The following RINT1 variants were observed in gnomAD, a reference collection of about 807,000 sequenced individuals.
The protein encoded by RINT1 is RAD50 interactor 1, also known as RAD50-interacting protein 1.
RINT1 carries 75 observed loss-of-function variants against 97.7 expected under a neutral mutation model. That is an observed-to-expected ratio of 0.77 (90% CI 0.64 to 0.93). The LOEUF is 0.93. Among genes scored for constraint, RINT1 ranks in the 40% least tolerant of loss-of-function variants. The probability of loss-of-function intolerance (pLI) is 0.00; values close to 1 mark genes in which losing one functional copy is unlikely to be tolerated. For missense variants in RINT1, 892 were observed against 925.2 expected, an observed-to-expected ratio of 0.96 and a Z score of 0.47; for synonymous variants, 303 against 326.3, an observed-to-expected ratio of 0.93 and a Z score of 0.77.
At chr7:105,554,804 A>G (rs985762263) in intron 10 of RINT1, among the ~76,000 whole-genome samples, 3 of 152,218 alleles carry the variant, frequency 2.0e-5, no homozygotes, top group African/African-American at 7.2e-5. Context: ...TATAGTTTAC[A>G]TACAGTGTAA....
rs940554216 is a variant in RINT1, at chr7:105,550,452, C to G, written c.1299C>G (p.Thr433=). 1.9e-6 allele frequency: 3 copies of G among 1,613,958 alleles called. No individual in the cohort carries two copies. The highest frequency in any genetic ancestry group is 2.5e-6 in the Non-Finnish European group (3 of 1,179,992). ...ASCMHILSEE[T]CFQRWLTVER... is the part of the protein sequence containing the mutation. ...GTATGCATATTCTATCAGAGGAAAC[C>G]TGTTTTCAGAGATGGTTGACGGTGG... The change falls in exon 9 of 15, where the codon ACC becomes ACG. Residue 433 remains threonine (T), a synonymous_variant. Transcript: ENST00000257700.
chr7:105,557,831 GAT>G (rs1473592265), intron 11 of RINT1, among the ~76,000 whole-genome samples: 1 of 152,082 alleles, frequency 6.6e-6, no homozygotes, highest in Admixed American at 6.6e-5. Context: ...ATAAAAATCT[GAT>G]AAACACAATC....
intron 11 of RINT1, among the ~76,000 whole-genome samples, chr7:105,556,547 G>A (rs931390020): frequency 1.4e-4 from 22 of 151,780 alleles, no homozygotes; most frequent in African/African-American, 4.8e-4. Flanking sequence ...CACTATGATT[G>A]TATCTGAAAA....
At chr7:105,537,153 G>A (rs1436616499) in intron 3 of RINT1, among the ~76,000 whole-genome samples, 97 of 112,598 alleles carry the variant, frequency 8.6e-4, no homozygotes, top group African/African-American at 2.8e-3. Context: ...TTTTTGAGAC[G>A]GAGTTTTGCT....
At chr7:105,532,381 G>A (rs778497280) in intron 1 of RINT1, 24 bp downstream of exon 1, 26 of 1,596,250 alleles carry the variant, frequency 1.6e-5, no homozygotes, top group Non-Finnish European at 2.2e-5. Context: ...GGCGTCCCTG[G>A]GAGGGGACAT....
rs764964962 is a variant in RINT1, at chr7:105,550,385, A to G, written c.1232A>G (p.Glu411Gly). 1.2e-6 allele frequency: 2 copies of G among 1,614,062 alleles called. No homozygotes were observed. The highest frequency in any genetic ancestry group is 1.7e-6 in the Non-Finnish European group (2 of 1,179,988). The change falls in exon 9 of 15, where the codon GAG (glutamate) becomes GGG (glycine). Residue 411 changes from glutamate (E) to glycine (G), a missense_variant. Transcript: ENST00000257700. ...LVDEVLLFER[E>G]LHSVHGYPGT... ...GATGAAGTACTCTTGTTTGAAAGGGAGCTACACAGTGTTCATGGCTATCCT... is the reference window on the plus strand; with the variant it reads ...GATGAAGTACTCTTGTTTGAAAGGGGGCTACACAGTGTTCATGGCTATCCT...
chr7:105,542,736 A>G, intron 4 of RINT1, 87 bp downstream of exon 4: 6 of 1,272,892 alleles, frequency 4.7e-6, no homozygotes, highest in Non-Finnish European at 6.3e-6. Context: ...TAAATAATTG[A>G]GTTAATTAAA....
rs1425226251 is a variant in RINT1, at chr7:105,547,283, A to G, written c.789A>G (p.Ile263Met). The change falls in exon 6 of 15, where the codon ATA (isoleucine) becomes ATG (methionine). Residue 263 changes from isoleucine to methionine, a missense_variant. By Grantham distance (10) the Ile-to-Met change is conservative (BLOSUM62 1). Coordinates refer to ENST00000257700, the MANE Select transcript of RINT1 (RefSeq NM_021930.6). ...GTCGACCTGCCAGTGCCCCGGAGAT[A>G]TACAGTTACCTGGAGACACTGTTTT... is the stretch of plus-strand genomic sequence containing the variant. The part of the protein sequence containing the change: ...GLSRPASAPE[I>M]YSYLETLFCQ... 1 of 1,614,208 alleles carries G rather than the reference A, an allele frequency of 6.2e-7. No individual in the cohort carries two copies. Among genetic ancestry groups the G allele is most frequent in the Admixed American group, 1.7e-5 (1 of 60,016 alleles).
Position 105,550,467 on chromosome 7 carries a change from G to T in RINT1, c.1314G>T (p.Trp438Cys). The T allele has an allele frequency of 6.2e-7, 1 of 1,613,836 alleles. No individual in the cohort carries two copies. The highest frequency in any genetic ancestry group is 2.2e-5 in the East Asian group (1 of 44,866). The change falls in exon 9 of 15, where the codon TGG (tryptophan) becomes TGT (cysteine). Residue 438 changes from tryptophan to cysteine, a missense_variant. Physicochemically the swap from Trp to Cys is radical, Grantham distance 215. Coordinates refer to ENST00000257700, the MANE Select transcript of RINT1 (RefSeq NM_021930.6). ...CAGAGGAAACCTGTTTTCAGAGATGGTTGACGGTGGAGAGAAAATGTAAGT... is the reference window on the plus strand; with the variant it reads ...CAGAGGAAACCTGTTTTCAGAGATGTTTGACGGTGGAGAGAAAATGTAAGT... ...ILSEETCFQR[W>C]LTVERKFALQ...
intron 3 of RINT1, among the ~76,000 whole-genome samples, chr7:105,540,167 C>A (rs1325612137): frequency 6.6e-6 from 1 of 151,632 alleles, no homozygotes; most frequent in African/African-American, 2.4e-5. Context: ...CTACCTCTGC[C>A]TTCCGGGTTT....
Position 105,536,616 on chromosome 7 carries a change from C to T in RINT1, c.140C>T (p.Thr47Ile), listed in dbSNP as rs763669670. ...GGAAGTAAACAAGTCAGTGAAGGTA[C>T]AGATAATGGTGATCTCCCTTCTTAT... ...LIGSKQVSEG[T>I]DNGDLPSYVS... The change falls in exon 3 of 15, where the codon ACA (threonine) becomes ATA (isoleucine). Residue 47 changes from threonine (T) to isoleucine (I), a missense_variant. By Grantham distance (89) the Thr-to-Ile change is moderately conservative. Transcript: ENST00000257700. The T allele has an allele frequency of 1.9e-6, 3 of 1,610,334 alleles. No homozygotes were observed. The highest frequency in any genetic ancestry group is 2.5e-6 in the Non-Finnish European group (3 of 1,178,190).
At chr7:105,558,980 C>T (rs1305294552) in intron 11 of RINT1, among the ~76,000 whole-genome samples, 1 of 152,020 alleles carries the variant, frequency 6.6e-6, no homozygotes, top group Non-Finnish European at 1.5e-5. Flanking sequence ...TAGCCATCAT[C>T]CCTACCCTTA....
chr7:105,552,414 G>C (rs1273915596), intron 10 of RINT1, among the ~76,000 whole-genome samples: 1 of 152,138 alleles, frequency 6.6e-6, no homozygotes, highest in East Asian at 1.9e-4. Flanking sequence ...AAGGATTGGA[G>C]TAGTAATAGG....
At chr7:105,546,683 G>C (rs1219628205) in intron 4 of RINT1, among the ~76,000 whole-genome samples, 1 of 152,124 alleles carries the variant, frequency 6.6e-6, no homozygotes, top group African/African-American at 2.4e-5. Flanking sequence ...AGACCAGCTT[G>C]GCCAACATGG....
In RINT1 at chr7:105,561,500, C is replaced by G. The variant is rs191621271; in HGVS notation, c.1672-2233C>G. On this transcript the variant is annotated intron_variant, in intron 11 of 14. Coordinates refer to ENST00000257700, the MANE Select transcript of RINT1 (RefSeq NM_021930.6). ...CGAGATTGCTCCATTTCATTCCAGC[C>G]TGAGGGACAGAGTGAGACTCTTGTC... is the stretch of plus-strand genomic sequence containing the variant. Among the ~76,000 whole-genome samples the G allele has an allele frequency of 2.9e-3, 448 of 152,262 alleles. 2 individuals are homozygous for G. The highest frequency in any genetic ancestry group is 0.017 in the Middle Eastern group (5 of 294).
intron 10 of RINT1, among the ~76,000 whole-genome samples, chr7:105,552,704 C>T (rs1790985898): frequency 8.9e-6 from 1 of 112,818 alleles, no homozygotes; most frequent in Non-Finnish European, 1.7e-5. Context: ...GATGGAGTCT[C>T]ACTCTGTCAC....
chr7:105,557,339 A>G (rs915892241), intron 11 of RINT1, among the ~76,000 whole-genome samples: 7 of 152,164 alleles, frequency 4.6e-5, no homozygotes, highest in African/African-American at 1.7e-4. Flanking sequence ...AGATTGATTA[A>G]CTGAAGATTA....
At chr7:105,555,717 A>G (rs1205302530) in intron 11 of RINT1, among the ~76,000 whole-genome samples, 1 of 152,208 alleles carries the variant, frequency 6.6e-6, no homozygotes, top group Non-Finnish European at 1.5e-5. Context: ...GCAGTGGCTC[A>G]TGCTCTTAAT....
In RINT1 at chr7:105,553,887, A is replaced by ATTTTTT. The variant is rs776924728; in HGVS notation, c.1472-1117_1472-1112dup. ...AGGCACCCGTCACCATACCCAGCTA[A>ATTTTTT]TTTTTTTTTTTTTTTTTTTTTTTTT... is the stretch of plus-strand genomic sequence containing the variant. On this transcript the variant is annotated intron_variant, in intron 10 of 14. Coordinates refer to ENST00000257700, the MANE Select transcript of RINT1 (RefSeq NM_021930.6). Among the ~76,000 whole-genome samples, 265 of 71,130 alleles carry ATTTTTT rather than the reference A, an allele frequency of 3.7e-3. 34 individuals are homozygous for ATTTTTT. Among genetic ancestry groups the ATTTTTT allele is most frequent in the Non-Finnish European group, 5.1e-3 (191 of 37,732 alleles). The allele number at this position is 71,130 out of a possible 152,430, so 46.7% of individuals were successfully genotyped here.
Sources: allele counts gnomAD v4.1 joint callset (sites outside exome capture counted in the v4.1 genomes callset), GRCh38; gene constraint gnomAD v4.1.1; transcripts MANE v1.5; gene names NCBI Gene and HGNC (gene_info 2026-07-23, HGNC 2026-07-21).